Variants in SPINK9 observed in about 807,000 individuals in gnomAD.
SPINK9 encodes the protein serine peptidase inhibitor Kazal type 9.
A neutral mutation model predicts 10.8 loss-of-function variants in SPINK9; 3 were observed. That is an observed-to-expected ratio of 0.28 (90% CI 0.13 to 0.72). The LOEUF (loss-of-function observed/expected upper bound fraction) is 0.72. Ranked by LOEUF, SPINK9 falls within the 30% of genes least tolerant of loss-of-function variation. SPINK9 has a pLI of 0.74. For synonymous variants in SPINK9, 30 were observed against 31.2 expected, an observed-to-expected ratio of 0.96 and a Z score of 0.12; for missense variants, 101 against 103.2, an observed-to-expected ratio of 0.98 and a Z score of 0.09.
chr5:148,327,075 C>T (rs924626767), intron 2 of SPINK9, among the ~76,000 whole-genome samples: 127 of 152,146 alleles, frequency 8.3e-4, no homozygotes, highest in Non-Finnish European at 1.1e-3. Flanking sequence ...TCTAGATCCC[C>T]GAGGAATCGC....
intron 2 of SPINK9, among the ~76,000 whole-genome samples, chr5:148,338,223 T>C (rs1386858745): frequency 6.6e-6 from 1 of 152,108 alleles, no homozygotes; most frequent in Non-Finnish European, 1.5e-5. Context: ...TCAACCAGTA[T>C]TGTGAGAAAA....
rs569104247 is a variant in SPINK9 at position 148,336,425 on chromosome 5, T to G, written c.59T>G (p.Ile20Arg). The G allele has an allele frequency of 1.9e-6, 3 of 1,613,582 alleles. No individual in the cohort carries two copies. The highest frequency in any genetic ancestry group is 2.2e-5 in the South Asian group (2 of 91,052). Residue 20 changes from isoleucine to arginine, a missense_variant, in exon 2 of 4, where the codon ATA becomes AGA. Physicochemically the swap from Ile to Arg is moderately conservative, Grantham distance 97 (BLOSUM62 -3). Transcript: ENST00000377906. ...CTTGTCTTTGTTTTTCTTCCAGGTATAGAATGTGCCAAACAGACGAAACAG... is the reference window on the plus strand; with the variant it reads ...CTTGTCTTTGTTTTTCTTCCAGGTAGAGAATGTGCCAAACAGACGAAACAG... ...LALTLATMFSIECAKQTKQMV... is the reference protein window; with the variant it reads ...LALTLATMFSRECAKQTKQMV...
chr5:148,335,988 A>G (rs533041692), intron 1 of SPINK9, among the ~76,000 whole-genome samples: 1 of 152,240 alleles, frequency 6.6e-6, no homozygotes, highest in Non-Finnish European at 1.5e-5. Context: ...ATTACAATCA[A>G]TTGTTTGGCA....
chr5:148,328,190 G>C (rs535287378), intron 2 of SPINK9, among the ~76,000 whole-genome samples: 3 of 152,180 alleles, frequency 2.0e-5, no homozygotes, highest in East Asian at 3.9e-4. Flanking sequence ...ATTGAGCAGT[G>C]GTTTGTAGTT....
intron 2 of SPINK9, among the ~76,000 whole-genome samples, chr5:148,325,430 C>T (rs1757046396): frequency 2.6e-5 from 4 of 151,956 alleles, no homozygotes; most frequent in Admixed American, 1.3e-4. Context: ...ACCTATTCAC[C>T]AACACGTCAC....
upstream of SPINK9, among the ~76,000 whole-genome samples, chr5:148,333,178 C>T (rs1187797074): frequency 6.6e-6 from 1 of 152,154 alleles, no homozygotes; most frequent in African/African-American, 2.4e-5. Context: ...GGAAACCAGG[C>T]TGCCACATAC....
rs527903642 is a variant in SPINK9, at chr5:148,338,346, G to A, written c.88-132G>A. On this transcript the variant is annotated intron_variant, in intron 2 of 3. Coordinates refer to ENST00000377906, the MANE Select transcript of SPINK9 (RefSeq NM_001040433.2). ...TCTTTACATTTGAAATGTCTTGAAG[G>A]GGGTAGATGAGAACCAACAATTGTA... 1.8e-4 allele frequency: 114 copies of A among 642,446 alleles called. 1 individual carries two copies. The African/African-American group carries it at 2.0e-3, about 11-fold the overall frequency. 39.8% of individuals were successfully genotyped at this position (642,446 alleles called of 1,614,324 possible).
chr5:148,328,470 T>C (rs1757099867), intron 2 of SPINK9, among the ~76,000 whole-genome samples: 1 of 152,216 alleles, frequency 6.6e-6, no homozygotes, highest in African/African-American at 2.4e-5. Context: ...TGACTTCCTC[T>C]TTTCCTAATG....
At chr5:148,326,529 T>C (rs975362028) in intron 2 of SPINK9, among the ~76,000 whole-genome samples, 1 of 152,114 alleles carries the variant, frequency 6.6e-6, no homozygotes, top group Non-Finnish European at 1.5e-5. Flanking sequence ...TTATTATTAT[T>C]ATACTTTAAA....
At chr5:148,336,223 C>T (rs562208138) in intron 1 of SPINK9, among the ~76,000 whole-genome samples, 199 bp from the exon 2 acceptor site, 2 of 152,200 alleles carry the variant, frequency 1.3e-5, no homozygotes, top group East Asian at 3.9e-4. Flanking sequence ...AGATTCCACT[C>T]CCACTCCAAA....
upstream of SPINK9, among the ~76,000 whole-genome samples, chr5:148,334,930 A>G (rs1033010647): frequency 5.3e-5 from 8 of 152,150 alleles, no homozygotes; most frequent in Non-Finnish European, 1.2e-4. Flanking sequence ...CAATTAGTTC[A>G]GGTGTGCAAG....
intron 2 of SPINK9, among the ~76,000 whole-genome samples, chr5:148,324,178 A>G (rs1283778016): frequency 6.6e-6 from 1 of 152,166 alleles, no homozygotes; most frequent in Admixed American, 6.5e-5. Flanking sequence ...TGCTTGAAAA[A>G]TGAAAACATT....
intron 2 of SPINK9, among the ~76,000 whole-genome samples, chr5:148,330,173 A>G (rs1336153580): frequency 1.3e-5 from 2 of 152,196 alleles, no homozygotes. Context: ...GACTTGCTTT[A>G]TGAATCTGGG....
intron 2 of SPINK9, among the ~76,000 whole-genome samples, chr5:148,337,040 C>T (rs1757226396): frequency 6.6e-6 from 1 of 152,006 alleles, no homozygotes; most frequent in Non-Finnish European, 1.5e-5. Flanking sequence ...GTCTTTGAGG[C>T]TTCTGTTTTA....
chr5:148,339,723 T>C lies in SPINK9; in HGVS notation c.*11T>C. The C allele has an allele frequency of 6.2e-7, 1 of 1,607,846 alleles. No homozygotes were observed. The highest frequency in any genetic ancestry group is 8.5e-7 in the Non-Finnish European group (1 of 1,174,926). On this transcript the variant is annotated 3_prime_UTR_variant, in exon 4 of 4. Transcript: ENST00000377906. ...TTTGGAAAATGTTAAATCTATCTTG[T>C]GAGTCCAAAATATCTTTTAATGCAT... is the stretch of plus-strand genomic sequence containing the variant.
At chr5:148,324,934 T>G (rs1757040352) in intron 2 of SPINK9, among the ~76,000 whole-genome samples, 1 of 152,080 alleles carries the variant, frequency 6.6e-6, no homozygotes, top group African/African-American at 2.4e-5. Flanking sequence ...CACTCCTATC[T>G]ACCCCCCTAC....
At chr5:148,331,009 G>A (rs1267588567), upstream of SPINK9, among the ~76,000 whole-genome samples, 1 of 152,212 alleles carries the variant, frequency 6.6e-6, no homozygotes, top group Non-Finnish European at 1.5e-5. Flanking sequence ...GACTAGGAAA[G>A]GGAATTCCCT....
At chr5:148,331,705 C>T (rs888724608), upstream of SPINK9, among the ~76,000 whole-genome samples, 2 of 152,092 alleles carry the variant, frequency 1.3e-5, no homozygotes, top group Admixed American at 1.3e-4. Context: ...ATGTATACAT[C>T]CATCAAAACA....
At chr5:148,328,856 C>G (rs1470597707) in intron 2 of SPINK9, among the ~76,000 whole-genome samples, 1 of 152,160 alleles carries the variant, frequency 6.6e-6, no homozygotes, top group Non-Finnish European at 1.5e-5. Context: ...ATGAAGCCCA[C>G]TTGATCATGG....
Sources: allele counts gnomAD v4.1 joint callset (sites outside exome capture counted in the v4.1 genomes callset), GRCh38; gene constraint gnomAD v4.1.1; transcripts MANE v1.5; gene names NCBI Gene and HGNC (gene_info 2026-07-23, HGNC 2026-07-21).